The following NISCH variants were observed in gnomAD, a reference collection of about 807,000 sequenced individuals.
NISCH encodes I-1 receptor candidate protein.
A neutral mutation model predicts 138.4 loss-of-function variants in NISCH; 55 were observed. The observed-to-expected ratio is 0.40, with a 90% CI of 0.32 to 0.50. The LOEUF (loss-of-function observed/expected upper bound fraction) is 0.50. Among genes scored for constraint, NISCH ranks in the 20% least tolerant of loss-of-function variants. The pLI, the probability that NISCH is intolerant of heterozygous loss-of-function variation, is 0.71. For synonymous variants in NISCH, 860 were observed against 861.5 expected, an observed-to-expected ratio of 1.00 and a Z score of 0.03; for missense variants, 1,643 against 2,005.5, an observed-to-expected ratio of 0.82 and a Z score of 3.45.
chr3:52,477,348 T>C (rs1272058035), intron 8 of NISCH, among the ~76,000 whole-genome samples: 1 of 152,216 alleles, frequency 6.6e-6, no homozygotes, highest in East Asian at 1.9e-4. Context: ...ACAAGCCAAG[T>C]GTTCCATGAA....
At chr3:52,490,640 T>C in intron 18 of NISCH, 65 bp from the exon 19 acceptor site, 1 of 1,608,528 alleles carries the variant, frequency 6.2e-7, no homozygotes. Context: ...CTGGATGTGC[T>C]GCACACCTAG....
In NISCH at chr3:52,491,910, G is replaced by T; in HGVS notation, c.3943G>T (p.Val1315Phe). 6.2e-7 allele frequency: 1 copy of T among 1,611,502 alleles called. No homozygotes were observed. The highest frequency in any genetic ancestry group is 8.5e-7 in the Non-Finnish European group (1 of 1,178,684). The change falls in exon 21 of 21, where the codon GTC becomes TTC. Residue 1315 changes from valine (V) to phenylalanine (F), a missense_variant. Val to Phe is a conservative substitution (Grantham distance 50). Transcript: ENST00000345716. ...ENYELIHSSR[V>F]KFTYPSEEEI... Reference sequence around the variant, plus strand: ...CTACGAGCTGATCCACTCTAGTCGCGTCAAGTTTACCTACCCCAGTGAGGA... The same window carrying T: ...CTACGAGCTGATCCACTCTAGTCGCTTCAAGTTTACCTACCCCAGTGAGGA...
At chr3:52,458,923 T>C in intron 3 of NISCH, 79 bp downstream of exon 3, 1 of 1,333,412 alleles carries the variant, frequency 7.5e-7, no homozygotes, top group Non-Finnish European at 1.0e-6. Context: ...AGGGGAGACC[T>C]CAGCTTTGAG....
intron 7 of NISCH, chr3:52,475,505 G>A (rs1707074879): frequency 6.6e-6 from 1 of 152,202 alleles, no homozygotes; most frequent in African/African-American, 2.4e-5. Flanking sequence ...ACAGCTGCCT[G>A]GAAACTGAAT....
chr3:52,492,786 T>A lies in NISCH; in HGVS notation c.*304T>A. On this transcript the variant is annotated 3_prime_UTR_variant, in exon 21 of 21. Coordinates refer to ENST00000345716, the MANE Select transcript of NISCH (RefSeq NM_007184.4). ...ACGTGACACTGTGGGTCTGACTTTCTCTTCTACACGTCCTTTCCTGAAGTG... is the reference window on the plus strand; with the variant it reads ...ACGTGACACTGTGGGTCTGACTTTCACTTCTACACGTCCTTTCCTGAAGTG... 4.8e-6 allele frequency: 2 copies of A among 416,354 alleles called. No individual in the cohort carries two copies. Among genetic ancestry groups the A allele is most frequent in the Admixed American group, 8.0e-5 (2 of 25,016 alleles). 25.8% of individuals were successfully genotyped at this position (416,354 alleles called of 1,614,324 possible).
At chr3:52,484,219 G>T in intron 13 of NISCH, 1 of 346,136 alleles carries the variant, frequency 2.9e-6, no homozygotes, top group Non-Finnish European at 5.4e-6. Flanking sequence ...TTTAAAAAAT[G>T]TGTCTGTGGA....
At chr3:52,481,023 G>A in intron 13 of NISCH, 1 of 1,386,528 alleles carries the variant, frequency 7.2e-7, no homozygotes, top group Non-Finnish European at 9.3e-7. Context: ...CGGGCTCCTG[G>A]AGACGCAGAA....
chr3:52,466,688 C>T (rs1194115689), intron 3 of NISCH, among the ~76,000 whole-genome samples: 1 of 152,094 alleles, frequency 6.6e-6, no homozygotes, highest in African/African-American at 2.4e-5. Flanking sequence ...CAGATAAGCA[C>T]GCTGCCTGGG....
In NISCH at chr3:52,492,615, C is replaced by T. The variant is rs1181212718; in HGVS notation, c.*133C>T. ...TGACTGTCCTCGCAGAGAATGTGAA[C>T]ATGTGTGTGTGTTGTGTTAATTCTT... On this transcript the variant is annotated 3_prime_UTR_variant, in exon 21 of 21. Coordinates refer to ENST00000345716, the MANE Select transcript of NISCH (RefSeq NM_007184.4). 2 of 1,153,878 alleles carry T rather than the reference C, an allele frequency of 1.7e-6. No individual in the cohort carries two copies. Among genetic ancestry groups the T allele is most frequent in the Admixed American group, 2.9e-5 (1 of 34,670 alleles). The allele number at this position is 1,153,878 out of a possible 1,614,324, so 71.5% of individuals were successfully genotyped here.
In NISCH at chr3:52,471,860, G is replaced by A; in HGVS notation, c.456G>A (p.Leu152=). Residue 152 remains leucine, a synonymous_variant, in exon 5 of 21, where the codon CTG becomes CTA. Transcript: ENST00000345716. The part of the protein sequence containing the change: ...GAGEVFAIGP[L]QLYAVTEQLQ... ...GCGAGGTCTTTGCCATTGGACCCCT[G>A]CAGCTGTATGCCGTCACGGAGCAGC... 1 of 1,613,876 alleles carries A rather than the reference G, an allele frequency of 6.2e-7. No homozygotes were observed. The highest frequency in any genetic ancestry group is 8.5e-7 in the Non-Finnish European group (1 of 1,179,950).
chr3:52,481,733 G>T (rs1056796498), intron 13 of NISCH: 1 of 985,464 alleles, frequency 1.0e-6, no homozygotes, highest in African/African-American at 1.7e-5. Context: ...GGCTGCAGCT[G>T]CAGGCAGCCC....
chr3:52,457,731 A>G (rs1253408850), intron 1 of NISCH, 112 bp from the exon 2 acceptor site: 1 of 870,268 alleles, frequency 1.1e-6, no homozygotes, highest in African/African-American at 1.7e-5. Flanking sequence ...TTGCAGAGAG[A>G]AAGACTGATA....
chr3:52,479,681 A>T, intron 11 of NISCH, 68 bp from the exon 12 acceptor site: 2 of 1,131,540 alleles, frequency 1.8e-6, no homozygotes, highest in Non-Finnish European at 2.6e-6. Flanking sequence ...GCTGATAGCC[A>T]TCACCAGTCC....
rs866595152 is a variant in NISCH, at chr3:52,487,375, G to A, written c.1883G>A (p.Arg628Gln). ...GCCTGGATCGAGGCTGCCAACCAGCGGGAGGAGGGCCAGGGTGAACAGGGC... is the reference window on the plus strand; with the variant it reads ...GCCTGGATCGAGGCTGCCAACCAGCAGGAGGAGGGCCAGGGTGAACAGGGC... ...LPAWIEAANQ[R>Q]EEGQGEQGEE... The change falls in exon 16 of 21, where the codon CGG (arginine) becomes CAG (glutamine). Residue 628 changes from arginine to glutamine, a missense_variant. Physicochemically the swap from Arg to Gln is conservative, Grantham distance 43. Transcript: ENST00000345716. This position sits in a 1 kb window ranked among gnomAD's most constrained non-coding sequence, Gnocchi z 9.1. The A allele has an allele frequency of 5.9e-5, 96 of 1,614,008 alleles. 1 individual carries two copies. In the East Asian group the frequency reaches 1.4e-3, roughly 24 times the overall value.
intron 13 of NISCH, chr3:52,480,655 C>G: frequency 1.4e-6 from 2 of 1,423,324 alleles, no homozygotes; most frequent in South Asian, 3.2e-5. Context: ...CTCCTGGTTA[C>G]AGGAAGCCGG....
At chr3:52,474,703 A>T (rs1322853069) in intron 7 of NISCH, among the ~76,000 whole-genome samples, 1 of 152,204 alleles carries the variant, frequency 6.6e-6, no homozygotes. Context: ...AAGTGCTGGG[A>T]TTACAGGCAT....
In NISCH at chr3:52,488,539, C is replaced by T. The variant is rs142618964; in HGVS notation, c.3047C>T (p.Thr1016Ile). ...CTGAAGACTGTGGTCATCGCCAAGA[C>T]CCCCGGGACGGGAGGCAGCCCCCAG... ...QDLKTVVIAK[T>I]PGTGGSPQGS... Residue 1016 changes from threonine (T) to isoleucine (I), a missense_variant, in exon 16 of 21, where the codon ACC (threonine) becomes ATC (isoleucine). By Grantham distance (89) the Thr-to-Ile change is moderately conservative. Transcript: ENST00000345716. 5 of 1,613,076 alleles carry T rather than the reference C, an allele frequency of 3.1e-6. No homozygotes were observed. Among genetic ancestry groups the T allele is most frequent in the South Asian group, 1.1e-5 (1 of 91,088 alleles).
chr3:52,464,471 A>T (rs1706723364), intron 3 of NISCH, among the ~76,000 whole-genome samples: 1 of 150,444 alleles, frequency 6.6e-6, no homozygotes, highest in African/African-American at 2.4e-5. Context: ...TCTGGCTACT[A>T]GACTTTTAGA....
chr3:52,491,910 G>A lies in NISCH; in HGVS notation c.3943G>A (p.Val1315Ile), dbSNP rs745973595. 1.1e-5 allele frequency: 18 copies of A among 1,611,382 alleles called. No homozygotes were observed. Among genetic ancestry groups the A allele is most frequent in the East Asian group, 4.5e-5 (2 of 44,834 alleles). Residue 1315 changes from valine to isoleucine, a missense_variant, in exon 21 of 21, where the codon GTC becomes ATC. By Grantham distance (29) the Val-to-Ile change is conservative. Transcript: ENST00000345716. The part of the protein sequence containing the change: ...ENYELIHSSR[V>I]KFTYPSEEEI... ...CTACGAGCTGATCCACTCTAGTCGC[G>A]TCAAGTTTACCTACCCCAGTGAGGA...
Sources: allele counts gnomAD v4.1 joint callset (sites outside exome capture counted in the v4.1 genomes callset), GRCh38; gene constraint gnomAD v4.1.1; non-coding constraint Gnocchi (gnomAD v3.1); transcripts MANE v1.5; gene names NCBI Gene and HGNC (gene_info 2026-07-23, HGNC 2026-07-21).